Variants in RBFOX3 observed in about 807,000 individuals in gnomAD.
The protein encoded by RBFOX3 is RNA binding fox-1 homolog 3.
RBFOX3 carries 17 observed loss-of-function variants against 48.7 expected under a neutral mutation model. The observed-to-expected ratio is 0.35, with a 90% CI of 0.24 to 0.52. The LOEUF is 0.52. RBFOX3 is among the 20% of genes least tolerant of loss of function. RBFOX3 has a pLI of 0.94. For synonymous variants in RBFOX3, 212 were observed against 209.5 expected, an observed-to-expected ratio of 1.01 and a Z score of -0.10; for missense variants, 382 against 497.5, an observed-to-expected ratio of 0.77 and a Z score of 2.21.
chr17:79,415,502 C>T (rs1044995998), intron 2 of RBFOX3, among the ~76,000 whole-genome samples: 8 of 152,284 alleles, frequency 5.3e-5, no homozygotes, highest in Non-Finnish European at 8.8e-5. Context: ...TATTTCAGCA[C>T]GGCAGACGCA....
intron 4 of RBFOX3, among the ~76,000 whole-genome samples, chr17:79,182,961 C>T (rs981141760): frequency 6.3e-4 from 95 of 150,724 alleles, no homozygotes; most frequent in African/African-American, 2.3e-3. Context: ...CGCCCCCTCC[C>T]CTCGGGCTTC....
At chr17:79,405,114 G>A (rs1284975797) in intron 2 of RBFOX3, among the ~76,000 whole-genome samples, 1 of 152,158 alleles carries the variant, frequency 6.6e-6, no homozygotes, top group Non-Finnish European at 1.5e-5. Context: ...TCATCTTACA[G>A]CTGATTTTCC....
At chr17:79,566,836 C>T (rs2092472221) in intron 1 of RBFOX3, among the ~76,000 whole-genome samples, 1 of 152,218 alleles carries the variant, frequency 6.6e-6, no homozygotes, top group Non-Finnish European at 1.5e-5. Flanking sequence ...ATGGCTGGGC[C>T]CTGGCACCTG....
chr17:79,198,856 T>C lies in RBFOX3; in HGVS notation c.-34+36910A>G, dbSNP rs1018307581. Among the ~76,000 whole-genome samples the C allele has an allele frequency of 2.6e-5, 4 of 152,202 alleles. No individual in the cohort carries two copies. The highest frequency in any genetic ancestry group is 2.0e-4 in the Admixed American group (3 of 15,278). On this transcript the variant is annotated intron_variant, in intron 4 of 14. Transcript: ENST00000693108. The surrounding 1 kb of genome is among the most constrained non-coding windows in gnomAD (Gnocchi z 8.2). ...GTTGGCCAGGCTAATCTCGAACTCC[T>C]GACCTCAGGTGATCCACTCGCCTCG...
intron 3 of RBFOX3, among the ~76,000 whole-genome samples, chr17:79,261,543 C>T (rs1002080078): frequency 1.3e-5 from 2 of 152,214 alleles, no homozygotes; most frequent in South Asian, 2.1e-4. Context: ...TCTCTCTCCC[C>T]GGCACAGGAT....
intron 1 of RBFOX3, chr17:79,598,376 A>G (rs1432293911): frequency 5.8e-5 from 8 of 137,522 alleles, no homozygotes; most frequent in Admixed American, 5.2e-4. Context: ...GCACACATAC[A>G]TGCACATGTG....
upstream of RBFOX3, among the ~76,000 whole-genome samples, chr17:79,613,099 G>A (rs1434696502): frequency 6.6e-6 from 1 of 152,234 alleles, no homozygotes; most frequent in African/African-American, 2.4e-5. Flanking sequence ...CTGTGTGCCC[G>A]AGTGGAAGAG....
At chr17:79,645,133 G>A in the RBFOX3 span, among the ~76,000 whole-genome samples, 7 of 152,064 alleles carry the variant, frequency 4.6e-5, no homozygotes, top group Admixed American at 3.9e-4. Flanking sequence ...TGCCCTTACC[G>A]CTCACCTGGG....
chr17:79,090,800 T>C lies in RBFOX3; in HGVS notation c.*83A>G. 1 of 1,430,126 alleles carries C rather than the reference T, an allele frequency of 7.0e-7. No individual in the cohort carries two copies. 88.6% of individuals were successfully genotyped at this position (1,430,126 alleles called of 1,614,324 possible). On this transcript the variant is annotated 3_prime_UTR_variant, in exon 15 of 15. Transcript: ENST00000693108. ...TTTTTGTTGCTTGGATCTTAACATCTTTTTTTGTTTTTTTTGTTTTGTGAT... is the reference window on the plus strand; with the variant it reads ...TTTTTGTTGCTTGGATCTTAACATCCTTTTTTGTTTTTTTTGTTTTGTGAT...
intron 4 of RBFOX3, among the ~76,000 whole-genome samples, chr17:79,127,413 G>A (rs2037580315): frequency 6.6e-6 from 1 of 152,218 alleles, no homozygotes; most frequent in South Asian, 2.1e-4. Flanking sequence ...GAGGAGAGGA[G>A]GTGGGAAGAA....
intron 4 of RBFOX3, among the ~76,000 whole-genome samples, chr17:79,190,967 C>T (rs2054401619): frequency 6.6e-6 from 1 of 152,160 alleles, no homozygotes; most frequent in African/African-American, 2.4e-5. Flanking sequence ...TTGCTACGGC[C>T]GGCATGAATT....
intron 2 of RBFOX3, among the ~76,000 whole-genome samples, chr17:79,475,846 G>C (rs1055975181): frequency 2.2e-4 from 33 of 152,348 alleles, no homozygotes; most frequent in African/African-American, 7.9e-4. Context: ...CAGGAGAAAG[G>C]CCTCCGTGTG....
At chr17:79,568,878 C>T (rs1005949171) in intron 1 of RBFOX3, among the ~76,000 whole-genome samples, 2 of 152,198 alleles carry the variant, frequency 1.3e-5, no homozygotes, top group East Asian at 1.9e-4. Flanking sequence ...CCTGAGTCAG[C>T]GAGACCCCTG....
intron 3 of RBFOX3, among the ~76,000 whole-genome samples, chr17:79,282,795 C>A (rs375454605): frequency 2.0e-3 from 298 of 152,390 alleles, no homozygotes; most frequent in African/African-American, 6.9e-3. Context: ...AGTGTGAGGG[C>A]AGCCGCAGGC....
At chr17:79,101,415 G>A (rs1397327748) in intron 9 of RBFOX3, among the ~76,000 whole-genome samples, 169 bp downstream of exon 9, 1 of 152,114 alleles carries the variant, frequency 6.6e-6, no homozygotes, top group Non-Finnish European at 1.5e-5. Context: ...CGCCTCTTCT[G>A]CCCCACCCGC....
chr17:79,435,252 G>A (rs1234628420), intron 2 of RBFOX3, among the ~76,000 whole-genome samples: 1 of 152,200 alleles, frequency 6.6e-6, no homozygotes, highest in African/African-American at 2.4e-5. Context: ...CTGTCCCATG[G>A]AATGGCACCA....
intron 1 of RBFOX3, among the ~76,000 whole-genome samples, chr17:79,515,297 G>A (rs2085090582): frequency 6.6e-6 from 1 of 152,300 alleles, no homozygotes; most frequent in Non-Finnish European, 1.5e-5. Context: ...CCCTGGGGGT[G>A]TGCAGTGCCC....
chr17:79,569,939 T>A, intron 1 of RBFOX3, among the ~76,000 whole-genome samples: 1 of 150,970 alleles, frequency 6.6e-6, no homozygotes, highest in Non-Finnish European at 1.5e-5. Flanking sequence ...GACAGATGGA[T>A]AATAGATGGA....
At chr17:79,652,788 G>C in the RBFOX3 span, among the ~76,000 whole-genome samples, 1 of 151,516 alleles carries the variant, frequency 6.6e-6, no homozygotes, top group African/African-American at 2.4e-5. Context: ...GAAAATTAAG[G>C]GAATAAAATT....
Sources: gnomAD v4.1 joint callset for allele counts (sites outside exome capture counted in the v4.1 genomes callset) on GRCh38, gnomAD v4.1.1 for gene constraint, Gnocchi (gnomAD v3.1) non-coding constraint, MANE v1.5 for transcripts, NCBI Gene and HGNC (gene_info 2026-07-23, HGNC 2026-07-21) for gene names.